The following FGF14 variants were observed in gnomAD, a reference collection of about 807,000 sequenced individuals.
FGF14 encodes fibroblast growth factor homologous factor 4.
FGF14 carries 5 observed loss-of-function variants against 25.5 expected under a neutral mutation model. The observed-to-expected ratio is 0.20, with a 90% CI of 0.10 to 0.41. The LOEUF (loss-of-function observed/expected upper bound fraction) is 0.41. Ranked by LOEUF, FGF14 falls within the 10% of genes least tolerant of loss-of-function variation. The pLI is 1.00. For synonymous variants in FGF14, 138 were observed against 118.3 expected (o/e 1.17, Z -1.08); for missense variants, 222 against 320.1 (o/e 0.69, Z 2.34).
chr13:101,830,655 A>T (rs1397868441), intron 3 of FGF14, among the ~76,000 whole-genome samples: 1 of 151,966 alleles, frequency 6.6e-6, no homozygotes, highest in Non-Finnish European at 1.5e-5. Context: ...GAAATTTCTA[A>T]ATTTTCAAAT....
intron 3 of FGF14, 114 bp downstream of exon 3, chr13:101,868,611 A>G (rs944581259): frequency 5.1e-6 from 4 of 784,964 alleles, no homozygotes; most frequent in Non-Finnish European, 9.3e-6. Flanking sequence ...AAGATCAAAT[A>G]CTAAGGCAAA....
chr13:101,722,931 C>T lies in FGF14; in HGVS notation c.644G>A (p.Gly215Glu). The change falls in exon 5 of 5, where the codon GGG (glycine) becomes GAG (glutamate). Residue 215 changes from glycine (G) to glutamate (E), a missense_variant. Physicochemically the swap from Gly to Glu is moderately conservative, Grantham distance 98. Around this residue, in one of 5 missense-constraint regions of FGF14, gnomAD observed 66 missense variants for 90.3 expected, o/e 0.73. Transcript: ENST00000376143. ...MYREPSLHDVGETVPKPGVTP... is the reference protein window; with the variant it reads ...MYREPSLHDVEETVPKPGVTP... ...CACCCCAGGCTTCGGGACCGTTTCC[C>T]CAACATCATGCAAAGATGGTTCTCG... 2 of 1,613,274 alleles carry T rather than the reference C, an allele frequency of 1.2e-6. No homozygotes were observed. Among genetic ancestry groups the T allele is most frequent in the Non-Finnish European group, 1.7e-6 (2 of 1,179,522 alleles).
intron 1 of FGF14, among the ~76,000 whole-genome samples, chr13:101,990,465 T>C (rs1022264619): frequency 3.3e-5 from 5 of 152,028 alleles, no homozygotes; most frequent in Admixed American, 3.3e-4. Context: ...TACTCAACAC[T>C]TTTTTTTCTA....
rs558387371 is a variant in FGF14, at chr13:102,260,328, A to C, written c.208+141143T>G. Among the ~76,000 whole-genome samples the C allele has an allele frequency of 2.2e-4, 34 of 152,310 alleles. No individual in the cohort carries two copies. The East Asian group carries it at 5.6e-3, about 25-fold the overall frequency. On this transcript the variant is annotated intron_variant, in intron 1 of 4. Coordinates refer to the FGF14 transcript ENST00000376131. ...GTTCGCCACTGATCTTGGAAACCCA[A>C]CCACGCTTTTTTTTACTGAAAGTTT...
intron 3 of FGF14, among the ~76,000 whole-genome samples, chr13:101,838,530 C>G (rs1281104750): frequency 6.6e-6 from 1 of 152,022 alleles, no homozygotes. Flanking sequence ...AGTGCTTATG[C>G]AAGGAATTTT....
intron 1 of FGF14, among the ~76,000 whole-genome samples, chr13:101,891,365 G>T (rs992563323): frequency 2.6e-5 from 4 of 152,120 alleles, no homozygotes; most frequent in African/African-American, 9.7e-5. Context: ...CGTTCAGATA[G>T]TGCCATCCCA....
intron 1 of FGF14, among the ~76,000 whole-genome samples, chr13:101,932,776 G>T (rs76886267): frequency 1.8e-5 from 2 of 108,538 alleles, no homozygotes; most frequent in Non-Finnish European, 4.2e-5. Flanking sequence ...AAAAAAAAAA[G>T]CACTGAGAAA....
Position 101,931,960 on chromosome 13 carries a change from G to C in FGF14, c.209-56664C>G, listed in dbSNP as rs114320206. On this transcript the variant is annotated intron_variant, in intron 1 of 4. Transcript: ENST00000376131. ...CTTCTAAAAGGTTCTCTGGGGATGG[G>C]TGTGTCTTGGTTATAAGAACTTTCC... is the stretch of plus-strand genomic sequence containing the variant. Among the ~76,000 whole-genome samples, 374 of 152,268 alleles carry C rather than the reference G, an allele frequency of 2.5e-3. 4 individuals carry two copies. Among genetic ancestry groups the C allele is most frequent in the African/African-American group, 8.5e-3 (353 of 41,548 alleles).
intron 1 of FGF14, among the ~76,000 whole-genome samples, chr13:102,099,815 ATAAT>A (rs1305661549): frequency 6.6e-6 from 1 of 152,092 alleles, no homozygotes; most frequent in African/African-American, 2.4e-5. Flanking sequence ...TATTAATAAA[ATAAT>A]AATGACTATG....
At chr13:102,022,440 G>A (rs1343011580) in intron 1 of FGF14, among the ~76,000 whole-genome samples, 2 of 152,056 alleles carry the variant, frequency 1.3e-5, no homozygotes, top group African/African-American at 2.4e-5. Context: ...AGCTAAACTC[G>A]CTCAAAGAGA....
intron 1 of FGF14, among the ~76,000 whole-genome samples, chr13:102,245,164 G>C (rs2051801026): frequency 6.6e-6 from 1 of 152,060 alleles, no homozygotes; most frequent in South Asian, 2.1e-4. Flanking sequence ...ACCTGAGCTT[G>C]AGTGAGTCAT....
chr13:101,921,715 G>C (rs531278844), upstream of FGF14, among the ~76,000 whole-genome samples: 1 of 152,210 alleles, frequency 6.6e-6, no homozygotes, highest in African/African-American at 2.4e-5. Flanking sequence ...TCTGCCTTCA[G>C]TTGTTCTCTG....
intron 3 of FGF14, among the ~76,000 whole-genome samples, chr13:101,770,496 G>C (rs902240095): frequency 6.6e-6 from 1 of 152,074 alleles, no homozygotes; most frequent in Admixed American, 6.6e-5. Context: ...AGAATAGCCT[G>C]AAATACTAGT....
At chr13:101,928,648 A>C (rs552264175) in intron 1 of FGF14, among the ~76,000 whole-genome samples, 32 of 152,238 alleles carry the variant, frequency 2.1e-4, no homozygotes, top group African/African-American at 6.0e-4. Context: ...TTTACTGATC[A>C]ACACACTGAG....
intron 1 of FGF14, among the ~76,000 whole-genome samples, chr13:101,947,031 T>G (rs191257460): frequency 1.2e-3 from 185 of 152,320 alleles, no homozygotes; most frequent in Non-Finnish European, 2.2e-3. Flanking sequence ...TAACATGAGT[T>G]GTTTCTGACA....
At chr13:102,246,183 C>G (rs1376164333) in intron 1 of FGF14, among the ~76,000 whole-genome samples, 1 of 152,070 alleles carries the variant, frequency 6.6e-6, no homozygotes, top group East Asian at 1.9e-4. Flanking sequence ...AGCTAGACTA[C>G]TGCTTTTGCT....
At chr13:102,132,902 G>T (rs1046360451) in intron 1 of FGF14, among the ~76,000 whole-genome samples, 1 of 152,114 alleles carries the variant, frequency 6.6e-6, no homozygotes, top group African/African-American at 2.4e-5. Context: ...AACAGTGAGC[G>T]GAGTTGTTAA....
At chr13:102,272,023 A>C (rs1403811123) in intron 1 of FGF14, among the ~76,000 whole-genome samples, 1 of 152,146 alleles carries the variant, frequency 6.6e-6, no homozygotes, top group Admixed American at 6.5e-5. Flanking sequence ...GTTGCAAAAA[A>C]AGTAATACTC....
intron 1 of FGF14, among the ~76,000 whole-genome samples, chr13:101,911,680 G>A (rs2032949888): frequency 6.6e-6 from 1 of 152,012 alleles, no homozygotes; most frequent in African/African-American, 2.4e-5. Context: ...TTTATAGTAT[G>A]TCCCTTGTTA....
Sources: gnomAD v4.1 joint callset for allele counts (sites outside exome capture counted in the v4.1 genomes callset) on GRCh38, gnomAD v4.1.1 for gene constraint, gnomAD v4.1.1 regional missense constraint, MANE v1.5 for transcripts, NCBI Gene and HGNC (gene_info 2026-07-23, HGNC 2026-07-21) for gene names.